SNTB1: variants seen among roughly 807,000 people sequenced by gnomAD.
SNTB1 encodes the protein beta-1-syntrophin.
A neutral mutation model predicts 48.9 loss-of-function variants in SNTB1; 36 were observed. The ratio of observed to expected loss-of-function variants is 0.74; its 90% CI spans 0.56 to 0.97. The LOEUF is 0.97. Ranked by LOEUF, SNTB1 falls within the 50% of genes least tolerant of loss-of-function variation. The probability of loss-of-function intolerance (pLI) is 0.00; values close to 1 mark genes in which losing one functional copy is unlikely to be tolerated. For missense variants in SNTB1, 786 were observed against 703.4 expected, an observed-to-expected ratio of 1.12 and a Z score of -1.33; for synonymous variants, 299 against 294.6, an observed-to-expected ratio of 1.01 and a Z score of -0.15.
intron 1 of SNTB1, among the ~76,000 whole-genome samples, chr8:120,717,239 G>A (rs888623133): frequency 6.6e-6 from 1 of 152,188 alleles, no homozygotes; most frequent in Non-Finnish European, 1.5e-5. Flanking sequence ...GCAGCTTAAT[G>A]TTCCTTTCAG....
chr8:120,806,851 A>C (rs1164577700), intron 1 of SNTB1, among the ~76,000 whole-genome samples: 1 of 152,124 alleles, frequency 6.6e-6, no homozygotes, highest in East Asian at 1.9e-4. Flanking sequence ...TAAAATTCAA[A>C]TTTTCTTCCA....
At chr8:120,647,692 C>G (rs1173862702) in intron 2 of SNTB1, among the ~76,000 whole-genome samples, 1 of 110,556 alleles carries the variant, frequency 9.0e-6, no homozygotes, top group Non-Finnish European at 1.8e-5. Flanking sequence ...CCACTTGGTG[C>G]AGAGCTGAGT....
At chr8:120,756,258 G>T (rs1006640809) in intron 1 of SNTB1, among the ~76,000 whole-genome samples, 1 of 152,060 alleles carries the variant, frequency 6.6e-6, no homozygotes, top group African/African-American at 2.4e-5. Flanking sequence ...TTCTTACACT[G>T]GAATGTACAT....
intron 1 of SNTB1, chr8:120,776,480 T>C (rs1003038967): frequency 2.0e-5 from 3 of 152,240 alleles, no homozygotes; most frequent in Non-Finnish European, 2.9e-5. Context: ...CAAGAGGTTC[T>C]AACCAGCCCA....
At chr8:120,695,125 T>C (rs142271877) in intron 1 of SNTB1, among the ~76,000 whole-genome samples, 1 of 152,318 alleles carries the variant, frequency 6.6e-6, no homozygotes, top group East Asian at 1.9e-4. Flanking sequence ...CCACATACTC[T>C]GGTTCACTGC....
intron 3 of SNTB1, among the ~76,000 whole-genome samples, chr8:120,606,444 C>A (rs1018915049): frequency 1.3e-5 from 2 of 151,294 alleles, no homozygotes; most frequent in African/African-American, 2.4e-5. Context: ...TATATACACA[C>A]ACTCCAAATC....
intron 2 of SNTB1, among the ~76,000 whole-genome samples, chr8:120,645,467 T>C (rs1227718930): frequency 6.6e-6 from 1 of 151,734 alleles, no homozygotes; most frequent in Non-Finnish European, 1.5e-5. Flanking sequence ...AAAGATCAGA[T>C]AGTTGTAGAC....
intron 4 of SNTB1, among the ~76,000 whole-genome samples, chr8:120,550,928 G>A (rs972040398): frequency 2.0e-5 from 3 of 152,174 alleles, no homozygotes; most frequent in Non-Finnish European, 4.4e-5. Context: ...AAAGTTTTTA[G>A]ACTTGAAAGT....
rs114986043 is a variant in SNTB1 at position 120,715,439 on chromosome 8, G to A, written c.572-21531C>T. On this transcript the variant is annotated intron_variant, in intron 1 of 6. Coordinates refer to ENST00000517992, the MANE Select transcript of SNTB1 (RefSeq NM_021021.4). ...GGTTACTCAACAGAGCCCAGAAAAC[G>A]ATAGCAAATTTTAGTTGACATCACA... is the stretch of plus-strand genomic sequence containing the variant. 9.9e-3 allele frequency among the ~76,000 whole-genome samples: 1,500 copies of A among 152,256 alleles called. 23 individuals carry two copies. Among genetic ancestry groups the A allele is most frequent in the African/African-American group, 0.035 (1,450 of 41,544 alleles).
intron 1 of SNTB1, among the ~76,000 whole-genome samples, chr8:120,781,833 A>C (rs114991652): frequency 7.0e-4 from 107 of 152,354 alleles, no homozygotes; most frequent in African/African-American, 2.2e-3. Flanking sequence ...AAGCTGGGGC[A>C]TGGAGTTGGA....
intron 1 of SNTB1, among the ~76,000 whole-genome samples, chr8:120,723,062 A>T (rs960104933): frequency 2.6e-5 from 4 of 152,206 alleles, no homozygotes; most frequent in African/African-American, 9.6e-5. Context: ...GTCAAAGATC[A>T]GATGGTTGTA....
chr8:120,625,963 C>T (rs956922062), intron 3 of SNTB1, among the ~76,000 whole-genome samples: 1 of 152,068 alleles, frequency 6.6e-6, no homozygotes, highest in African/African-American at 2.4e-5. Context: ...TATTTAGAGG[C>T]TCCAAAAATA....
intron 3 of SNTB1, among the ~76,000 whole-genome samples, chr8:120,581,214 T>G (rs554630117): frequency 6.6e-6 from 1 of 152,122 alleles, no homozygotes; most frequent in East Asian, 1.9e-4. Context: ...AGAAGAAAAG[T>G]GCTCTATGGG....
chr8:120,701,368 G>T (rs1191055198), intron 1 of SNTB1, among the ~76,000 whole-genome samples: 1 of 152,082 alleles, frequency 6.6e-6, no homozygotes, highest in Non-Finnish European at 1.5e-5. Flanking sequence ...CCCTTGCCTG[G>T]ATCTCATTTT....
chr8:120,540,300 G>A (rs72680536), intron 6 of SNTB1, among the ~76,000 whole-genome samples: 3,615 of 152,278 alleles, frequency 0.024, 53 homozygotes, highest in Middle Eastern at 0.11. Flanking sequence ...ACAGACATAG[G>A]GGGTAGAGGA....
chr8:120,590,744 G>A (rs10955976), intron 3 of SNTB1, among the ~76,000 whole-genome samples: 25,756 of 147,486 alleles, frequency 0.17, 2,783 homozygotes, highest in East Asian at 0.44. Context: ...GCAGTGGCGC[G>A]ATCTCGGCTC....
intron 2 of SNTB1, among the ~76,000 whole-genome samples, chr8:120,682,590 G>A (rs1251712064): frequency 6.6e-6 from 1 of 152,196 alleles, no homozygotes; most frequent in Non-Finnish European, 1.5e-5. Context: ...TGCCCACACT[G>A]TTGAATCTAA....
chr8:120,653,053 G>A (rs1202052596), intron 2 of SNTB1, among the ~76,000 whole-genome samples: 5 of 152,152 alleles, frequency 3.3e-5, no homozygotes, highest in African/African-American at 9.7e-5. Flanking sequence ...CGTGTGTCAT[G>A]TGCTGTAGAG....
chr8:120,597,937 A>G (rs920001862), intron 3 of SNTB1, among the ~76,000 whole-genome samples: 8 of 152,234 alleles, frequency 5.3e-5, no homozygotes, highest in Non-Finnish European at 7.3e-5. Context: ...CAAATTTAAA[A>G]CAGAACATAC....
Sources: gnomAD v4.1 joint callset for allele counts (sites outside exome capture counted in the v4.1 genomes callset) on GRCh38, gnomAD v4.1.1 for gene constraint, MANE v1.5 for transcripts, NCBI Gene and HGNC (gene_info 2026-07-23, HGNC 2026-07-21) for gene names.